HMCN2: variants seen among roughly 807,000 people sequenced by gnomAD.
The protein encoded by HMCN2 is hemicentin 2.
Under a neutral mutation model 377.5 loss-of-function variants are expected in HMCN2, and 325 were observed. The ratio of observed to expected loss-of-function variants is 0.86; its 90% CI spans 0.79 to 0.94. The LOEUF (loss-of-function observed/expected upper bound fraction) is 0.94. Among genes scored for constraint, HMCN2 ranks in the 40% least tolerant of loss-of-function variants. The pLI, the probability that HMCN2 is intolerant of heterozygous loss-of-function variation, is 0.00. For missense variants in HMCN2, 4,543 were observed against 4,725.3 expected (o/e 0.96, Z 1.13); for synonymous variants, 2,007 against 2,046.8 (o/e 0.98, Z 0.53).
Position 130,379,425 on chromosome 9 carries a change from GA to G in HMCN2, c.8390del (p.Asp2797ValfsTer52). 1.0e-6 allele frequency: 1 copy of G among 985,876 alleles called. No homozygotes were observed. Among genetic ancestry groups the G allele is most frequent in the Non-Finnish European group, 1.2e-6 (1 of 829,974 alleles). 61.1% of individuals were successfully genotyped at this position (985,876 alleles called of 1,614,324 possible). ...CCCGGACCTCACCTGGTACAGAGAG[GA>G]TCAGCCCCTCTCGGCCGGGGATGAG... ...PPPDLTWYRE[D>X]QPLSAGDEVS... On this transcript the variant is annotated frameshift_variant, in exon 54 of 98. Coordinates refer to ENST00000683500, the MANE Select transcript of HMCN2 (RefSeq NM_001291815.2). LOFTEE classifies it high-confidence loss of function.
intron 85 of HMCN2, 95 bp downstream of exon 85, chr9:130,410,747 C>A: frequency 1.0e-6 from 1 of 999,440 alleles, no homozygotes; most frequent in Non-Finnish European, 1.5e-6. Context: ...AGGGCTGGGA[C>A]TTGGAATTCT....
chr9:130,374,084 A>G (rs1400488237), intron 48 of HMCN2, among the ~76,000 whole-genome samples: 2 of 151,346 alleles, frequency 1.3e-5, no homozygotes, highest in Admixed American at 6.6e-5. Context: ...GGATGGTTGG[A>G]TAGTTGGATG....
At chr9:130,311,864 T>C (rs1837259937) in intron 15 of HMCN2, among the ~76,000 whole-genome samples, 2 of 152,156 alleles carry the variant, frequency 1.3e-5, no homozygotes, top group South Asian at 4.1e-4. Flanking sequence ...TGAGAGGTTT[T>C]CAGGAGGAGG....
At chr9:130,404,534 C>A (rs1288209417) in intron 80 of HMCN2, among the ~76,000 whole-genome samples, 1 of 152,258 alleles carries the variant, frequency 6.6e-6, no homozygotes, top group Non-Finnish European at 1.5e-5. Flanking sequence ...GCTTTTGTTC[C>A]TGGAGGTGGC....
intron 74 of HMCN2, 101 bp from the exon 75 acceptor site, chr9:130,398,450 G>A (rs746653544): frequency 4.8e-6 from 2 of 418,122 alleles, no homozygotes; most frequent in South Asian, 1.0e-4. Flanking sequence ...AGGGATGGGT[G>A]GAAGACAGTA....
chr9:130,360,254 C>G lies in HMCN2; in HGVS notation c.5774-174C>G, dbSNP rs1436704317. On this transcript the variant is annotated intron_variant, in intron 37 of 97. Transcript: ENST00000683500. The surrounding 1 kb of genome is among the most constrained non-coding windows in gnomAD (Gnocchi z 4.7). ...CCTGGAAGTTTCTCTTGGGTGCCCA[C>G]CACACCAGCAGAGTCTGACGGGCTG... Among the ~76,000 whole-genome samples, 1 of 152,158 alleles carries G rather than the reference C, an allele frequency of 6.6e-6. No homozygotes were observed. The highest frequency in any genetic ancestry group is 2.4e-5 in the African/African-American group (1 of 41,412).
chr9:130,322,836 C>T (rs902838154), intron 19 of HMCN2, among the ~76,000 whole-genome samples: 1 of 152,300 alleles, frequency 6.6e-6, no homozygotes. Flanking sequence ...TAAGATGAGA[C>T]ATTTCAAATT....
At chr9:130,408,137 C>A (rs190269231) in intron 83 of HMCN2, among the ~76,000 whole-genome samples, 130 of 152,248 alleles carry the variant, frequency 8.5e-4, no homozygotes, top group African/African-American at 3.1e-3. Flanking sequence ...CCCTCGGTGA[C>A]AACGTGTCTT....
rs762643417 is a variant in HMCN2 at position 130,406,070 on chromosome 9, G to A, written c.12455G>A (p.Arg4152His). The change falls in exon 82 of 98, where the codon CGC becomes CAC. Residue 4152 changes from arginine to histidine, a missense_variant. By Grantham distance (29) the Arg-to-His change is conservative (BLOSUM62 0). This residue lies in a region of HMCN2 where 1,073 missense variants were observed against 1,319.5 expected (regional missense o/e 0.81). Coordinates refer to ENST00000683500, the MANE Select transcript of HMCN2 (RefSeq NM_001291815.2). ...GTGTTCACCACCCTGCCTGGGGACC[G>A]CAGCCTGCGCCTTGGGGACAGGCTG... ...LPVFTTLPGD[R>H]SLRLGDRLWL... The A allele has an allele frequency of 7.0e-6, 9 of 1,289,732 alleles. No homozygotes were observed. Among genetic ancestry groups the A allele is most frequent in the Admixed American group, 4.6e-5 (2 of 43,552 alleles). The allele number at this position is 1,289,732 out of a possible 1,614,324, so 79.9% of individuals were successfully genotyped here. A position where few individuals can be genotyped will look rare whatever the true frequency, so the allele number is the denominator to read the frequency against.
At chr9:130,405,217 T>G (rs946258149) in intron 81 of HMCN2, among the ~76,000 whole-genome samples, 158 bp downstream of exon 81, 2 of 152,092 alleles carry the variant, frequency 1.3e-5, no homozygotes, top group Non-Finnish European at 2.9e-5. Context: ...GCTCAAAGTG[T>G]ACCTAGTTGT....
rs1034092352 is a variant in HMCN2 at position 130,285,354 on chromosome 9, C to T, written c.489+38C>T. On this transcript the variant is annotated intron_variant, in intron 3 of 97. Coordinates refer to ENST00000683500, the MANE Select transcript of HMCN2 (RefSeq NM_001291815.2). The stretch of plus-strand genomic sequence containing the variant: ...GCTGTGGGGGCCCAAAGTGGGGTCC[C>T]CCGGGGGTCCCGAGGAAGCTGGGGT... The T allele has an allele frequency of 2.8e-5, 13 of 467,822 alleles. No individual in the cohort carries two copies. In the East Asian group the frequency reaches 8.3e-4, roughly 30 times the overall value. 29.0% of individuals were successfully genotyped at this position (467,822 alleles called of 1,614,324 possible). A position where few individuals can be genotyped will look rare whatever the true frequency, so the allele number is the denominator to read the frequency against.
At chr9:130,324,929 G>A (rs1295602280) in intron 19 of HMCN2, among the ~76,000 whole-genome samples, 1 of 152,014 alleles carries the variant, frequency 6.6e-6, no homozygotes, top group Non-Finnish European at 1.5e-5. Context: ...CAGCCTTGGT[G>A]TTGTTTATTT....
chr9:130,269,972 G>A lies in HMCN2; in HGVS notation c.259+3835G>A, dbSNP rs552936031. Among the ~76,000 whole-genome samples, 47 of 147,708 alleles carry A rather than the reference G, an allele frequency of 3.2e-4. 3 individuals are homozygous for A. The highest frequency in any genetic ancestry group is 1.0e-3 in the African/African-American group (41 of 41,184). On this transcript the variant is annotated intron_variant, in intron 1 of 97. Coordinates refer to ENST00000683500, the MANE Select transcript of HMCN2 (RefSeq NM_001291815.2). ...ACTACAGATGCGTGCCACCACGTCC[G>A]GCTAATTTTTGTATTTTTAGTAGAG... is the stretch of plus-strand genomic sequence containing the variant.
At chr9:130,353,303 T>A (rs1839836302) in intron 31 of HMCN2, 98 bp downstream of exon 31, 1 of 1,121,244 alleles carries the variant, frequency 8.9e-7, no homozygotes, top group Non-Finnish European at 1.2e-6. Context: ...GGTGGCCACT[T>A]GGAGTGGTCA....
chr9:130,427,206 G>T, intron 90 of HMCN2, 107 bp from the exon 91 acceptor site: 1 of 1,211,200 alleles, frequency 8.3e-7, no homozygotes, highest in East Asian at 2.6e-5. Context: ...TCTTGGCTCT[G>T]CCTGGCTAAG....
chr9:130,383,410 A>G, intron 56 of HMCN2, 94 bp from the exon 57 acceptor site: 1 of 476,694 alleles, frequency 2.1e-6, no homozygotes. Flanking sequence ...CTTCCCTGGC[A>G]TGGGATGGGA....
At chr9:130,318,205 A>G (rs1159458771) in intron 15 of HMCN2, among the ~76,000 whole-genome samples, 2 of 152,198 alleles carry the variant, frequency 1.3e-5, no homozygotes. Context: ...TTGTGTTTAT[A>G]TCTGCCTGGA....
rs759205212 is a variant in HMCN2 at position 130,425,762 on chromosome 9, G to T, written c.13717G>T (p.Gly4573Cys). Residue 4573 changes from glycine to cysteine, a missense_variant, in exon 90 of 98, where the codon GGC (glycine) becomes TGC (cysteine). This residue lies in a region of HMCN2 where 1,155 missense variants were observed against 1,157.7 expected (regional missense o/e 1.00). Transcript: ENST00000683500. ...VGSTQRFFQG[G>C]LPSFLRCNHS... The stretch of plus-strand genomic sequence containing the variant: ...CTCCACACAGCGCTTCTTCCAGGGC[G>T]GCCTCCCCTCGTTCCTACGCTGCAA... 6.4e-7 allele frequency: 1 copy of T among 1,550,512 alleles called. No homozygotes were observed. Among genetic ancestry groups the T allele is most frequent in the Non-Finnish European group, 8.7e-7 (1 of 1,146,970 alleles).
In HMCN2 at chr9:130,407,686, C is replaced by G. The variant is rs1414348159; in HGVS notation, c.12669C>G (p.Val4223=). The change falls in exon 83 of 98, where the codon GTC becomes GTG. Residue 4223 remains valine (V), a synonymous_variant. Transcript: ENST00000683500. ...AENRVGRTQA[V]SFVHVKEAPV... is the part of the protein sequence containing the mutation. ...ACAGAGTGGGCCGCACGCAGGCGGT[C>G]AGCTTCGTCCACGTGAAGGGTAGGG... 8.0e-7 allele frequency: 1 copy of G among 1,252,600 alleles called. No individual in the cohort carries two copies. Among genetic ancestry groups the G allele is most frequent in the Non-Finnish European group, 1.0e-6 (1 of 965,766 alleles). The allele number at this position is 1,252,600 out of a possible 1,614,324, so 77.6% of individuals were successfully genotyped here.
Sources: gnomAD v4.1 joint callset for allele counts (sites outside exome capture counted in the v4.1 genomes callset) on GRCh38, gnomAD v4.1.1 for gene constraint, gnomAD v4.1.1 regional missense constraint, Gnocchi (gnomAD v3.1) non-coding constraint, MANE v1.5 for transcripts, NCBI Gene and HGNC (gene_info 2026-07-23, HGNC 2026-07-21) for gene names.